The following ZNF33B variants were observed in gnomAD, a reference collection of about 807,000 sequenced individuals.
The protein encoded by ZNF33B is zinc finger protein 33B.
Under a neutral mutation model 45.8 loss-of-function variants are expected in ZNF33B, and 29 were observed. That is an observed-to-expected ratio of 0.63 (90% CI 0.47 to 0.86). The LOEUF (loss-of-function observed/expected upper bound fraction) is 0.86, where lower values mean the gene tolerates loss of function less well. Ranked by LOEUF, ZNF33B falls within the 40% of genes least tolerant of loss-of-function variation. The pLI is 0.00. For missense variants in ZNF33B, 831 were observed against 909.9 expected, an observed-to-expected ratio of 0.91 and a Z score of 1.12; for synonymous variants, 305 against 307.8, an observed-to-expected ratio of 0.99 and a Z score of 0.10.
chr10:42,607,507 C>T (rs1433179929), intron 4 of ZNF33B, among the ~76,000 whole-genome samples: 1 of 152,078 alleles, frequency 6.6e-6, no homozygotes, highest in African/African-American at 2.4e-5. Flanking sequence ...AACAAAACTG[C>T]ACTTGTACCC....
intron 4 of ZNF33B, among the ~76,000 whole-genome samples, chr10:42,608,365 T>C (rs759720169): frequency 6.6e-6 from 1 of 152,084 alleles, no homozygotes; most frequent in African/African-American, 2.4e-5. Context: ...CTAAGAGATA[T>C]AGACAGAACA....
intron 2 of ZNF33B, among the ~76,000 whole-genome samples, chr10:42,634,791 T>C (rs1215024890): frequency 6.6e-6 from 1 of 152,038 alleles, no homozygotes; most frequent in African/African-American, 2.4e-5. Flanking sequence ...GAAAGAGAGG[T>C]AAATGTGAAT....
At chr10:42,628,927 A>G (rs1589069364) in intron 4 of ZNF33B, among the ~76,000 whole-genome samples, 1 of 152,228 alleles carries the variant, frequency 6.6e-6, no homozygotes, top group East Asian at 1.9e-4. Context: ...AAGTAGAGCT[A>G]TCATATAATC....
chr10:42,602,468 T>C (rs187874053), intron 4 of ZNF33B, among the ~76,000 whole-genome samples: 49 of 152,348 alleles, frequency 3.2e-4, no homozygotes, highest in African/African-American at 1.1e-3. Context: ...AGAAAGCTCA[T>C]GTTTTCCCAT....
intron 4 of ZNF33B, among the ~76,000 whole-genome samples, chr10:42,629,174 T>C (rs1838939474): frequency 6.6e-6 from 1 of 152,026 alleles, no homozygotes; most frequent in Admixed American, 6.6e-5. Context: ...TAGACAGAAA[T>C]GGAGGCACAG....
At chr10:42,635,997 T>C (rs1352445188) in intron 2 of ZNF33B, among the ~76,000 whole-genome samples, 1 of 150,788 alleles carries the variant, frequency 6.6e-6, no homozygotes, top group Non-Finnish European at 1.5e-5. Context: ...GGTATGGTGG[T>C]GCACGCCTGT....
At chr10:42,611,103 G>T (rs1369203156) in intron 4 of ZNF33B, among the ~76,000 whole-genome samples, 1 of 152,140 alleles carries the variant, frequency 6.6e-6, no homozygotes, top group Non-Finnish European at 1.5e-5. Flanking sequence ...CTAGCAATTT[G>T]GGAGGCTGAG....
At chr10:42,615,951 G>A (rs371627526) in intron 4 of ZNF33B, among the ~76,000 whole-genome samples, 17 of 151,532 alleles carry the variant, frequency 1.1e-4, no homozygotes, top group East Asian at 9.8e-4. Context: ...GGCTGGGTGC[G>A]GTGGCTTACG....
At chr10:42,603,306 CAG>C (rs1203198191) in intron 4 of ZNF33B, among the ~76,000 whole-genome samples, 1 of 152,156 alleles carries the variant, frequency 6.6e-6, no homozygotes, top group Non-Finnish European at 1.5e-5. Context: ...TTGTTCAGAA[CAG>C]AGTTTGGGTG....
intron 4 of ZNF33B, chr10:42,605,264 T>TAAAAAA (rs35151043): frequency 7.9e-6 from 1 of 126,320 alleles, no homozygotes; most frequent in Non-Finnish European, 1.6e-5. Context: ...GCATTAAATT[T>TAAAAAA]AAAAAAAAAA....
chr10:42,615,624 G>A (rs1838280301), intron 4 of ZNF33B, among the ~76,000 whole-genome samples: 1 of 152,118 alleles, frequency 6.6e-6, no homozygotes, highest in East Asian at 1.9e-4. Flanking sequence ...TGATGACAAT[G>A]TTCTAAGAAA....
At chr10:42,623,197 G>A (rs1445018431) in intron 4 of ZNF33B, among the ~76,000 whole-genome samples, 1 of 152,232 alleles carries the variant, frequency 6.6e-6, no homozygotes, top group African/African-American at 2.4e-5. Flanking sequence ...AACACAGGAG[G>A]CAGAGGCTGT....
At chr10:42,582,906 G>A in intron 1 of ZNF33B, 1 of 487,096 alleles carries the variant, frequency 2.1e-6, no homozygotes, top group Admixed American at 3.2e-5. Flanking sequence ...TCTTTAGGCT[G>A]TTTCCAAATT....
At chr10:42,580,708 CAGG>C (rs1347671116) in intron 1 of ZNF33B, among the ~76,000 whole-genome samples, 3 of 151,060 alleles carry the variant, frequency 2.0e-5, no homozygotes, top group Non-Finnish European at 4.4e-5. Flanking sequence ...ATCATGAGGC[CAGG>C]AGTTCAAGAC....
At chr10:42,625,038 T>TTATATATATA (rs58614890) in intron 4 of ZNF33B, among the ~76,000 whole-genome samples, 4 of 145,520 alleles carry the variant, frequency 2.7e-5, no homozygotes, top group East Asian at 2.0e-4. Context: ...GTTTCATATT[T>TTATATATATA]TATATATATA....
chr10:42,617,517 A>G (rs1838378344), intron 4 of ZNF33B, among the ~76,000 whole-genome samples: 1 of 152,198 alleles, frequency 6.6e-6, no homozygotes, highest in Admixed American at 6.5e-5. Flanking sequence ...TCCAATATCA[A>G]CCAAAAACTG....
intron 4 of ZNF33B, among the ~76,000 whole-genome samples, chr10:42,623,917 TG>T (rs1367068373): frequency 6.6e-6 from 1 of 152,258 alleles, no homozygotes; most frequent in East Asian, 1.9e-4. Flanking sequence ...TTTGCATTTT[TG>T]TCAACAGTTT....
chr10:42,623,826 T>C (rs1224084143), intron 4 of ZNF33B, among the ~76,000 whole-genome samples: 1 of 152,248 alleles, frequency 6.6e-6, no homozygotes, highest in Admixed American at 6.5e-5. Context: ...AAATTTCATG[T>C]TATATATATT....
intron 2 of ZNF33B, among the ~76,000 whole-genome samples, chr10:42,635,417 TG>T (rs201361434): frequency 0.041 from 6,188 of 152,226 alleles, 173 homozygotes; most frequent in Non-Finnish European, 0.057. Context: ...GGGCTGGCAA[TG>T]TTTTTTTTGA....
Sources: allele counts gnomAD v4.1 joint callset (sites outside exome capture counted in the v4.1 genomes callset), GRCh38; gene constraint gnomAD v4.1.1; transcripts MANE v1.5; gene names NCBI Gene and HGNC (gene_info 2026-07-23, HGNC 2026-07-21).